CFTR: variants seen among roughly 807,000 people sequenced by gnomAD.
CFTR encodes the protein cystic fibrosis transmembrane conductance regulator.
CFTR carries 181 observed loss-of-function variants against 171.6 expected under a neutral mutation model. That is an observed-to-expected ratio of 1.05 (90% CI 0.93 to 1.19). The LOEUF (loss-of-function observed/expected upper bound fraction) is 1.19. CFTR is among the 50% of genes most tolerant of loss of function. CFTR has a pLI of 0.00. For missense variants in CFTR, 1,968 were observed against 1,734.7 expected, an observed-to-expected ratio of 1.13 and a Z score of -2.39; for synonymous variants, 583 against 608.0, an observed-to-expected ratio of 0.96 and a Z score of 0.60.
At chr7:117,619,460 G>A (rs1257165570) in intron 21 of CFTR, among the ~76,000 whole-genome samples, 1 of 152,044 alleles carries the variant, frequency 6.6e-6, no homozygotes, top group Non-Finnish European at 1.5e-5. Context: ...TTTCACAACT[G>A]TCTATCACAT....
intron 22 of CFTR, among the ~76,000 whole-genome samples, chr7:117,628,599 G>T (rs371258138): frequency 4.1e-4 from 63 of 152,192 alleles, no homozygotes; most frequent in African/African-American, 1.2e-3. Flanking sequence ...CAAAAATATA[G>T]AGAGAGATAC....
chr7:117,540,443 A>G (rs990291265), intron 8 of CFTR, 97 bp downstream of exon 8: 1 of 1,182,324 alleles, frequency 8.5e-7, no homozygotes, highest in South Asian at 1.5e-5. Flanking sequence ...AAAAGATAGA[A>G]AAAGAAATTT....
chr7:117,655,832 G>T (rs1483872211), intron 24 of CFTR, among the ~76,000 whole-genome samples: 5 of 152,114 alleles, frequency 3.3e-5, no homozygotes, highest in African/African-American at 9.7e-5. Context: ...GTCTGGTGAA[G>T]GCCTTCTTCC....
chr7:117,575,834 A>G (rs778627560), intron 11 of CFTR, among the ~76,000 whole-genome samples: 3 of 151,972 alleles, frequency 2.0e-5, no homozygotes, highest in Non-Finnish European at 2.9e-5. Flanking sequence ...GCTATTTGCA[A>G]CCTGCAGGTC....
chr7:117,606,778 G>C, intron 18 of CFTR, 25 bp downstream of exon 18: 1 of 1,172,414 alleles, frequency 8.5e-7, no homozygotes, highest in Non-Finnish European at 1.3e-6. Context: ...GTACCGTTAA[G>C]TATGTCTGTA....
intron 23 of CFTR, among the ~76,000 whole-genome samples, chr7:117,649,277 GATGTGTGT>G (rs1793046295): frequency 6.8e-6 from 1 of 146,070 alleles, no homozygotes; most frequent in Non-Finnish European, 1.5e-5. Flanking sequence ...TTATACATGG[GATGTGTGT>G]GTGTGTGTGT....
In CFTR at chr7:117,632,506, C is replaced by T. The variant is rs146309048; in HGVS notation, c.3717+4736C>T. Among the ~76,000 whole-genome samples the T allele has an allele frequency of 1.1e-4, 16 of 149,504 alleles. No individual in the cohort carries two copies. In the East Asian group the frequency reaches 2.6e-3, roughly 24 times the overall value. On this transcript the variant is annotated intron_variant, in intron 22 of 26. Transcript: ENST00000003084. ...TGAGCCCAGGAGATTAAGGCTGCAG[C>T]GAGCTGTGATGGCACCACTACAGCC... is the stretch of plus-strand genomic sequence containing the variant.
intron 11 of CFTR, among the ~76,000 whole-genome samples, chr7:117,570,130 C>T (rs544685805): frequency 6.6e-6 from 1 of 150,710 alleles, no homozygotes; most frequent in East Asian, 2.0e-4. Flanking sequence ...CAGTATAGTA[C>T]TCATCACATT....
intron 10 of CFTR, among the ~76,000 whole-genome samples, chr7:117,549,054 G>A (rs573525048): frequency 6.6e-6 from 1 of 152,194 alleles, no homozygotes; most frequent in African/African-American, 2.4e-5. Context: ...TTTATATTTT[G>A]CACCACATTC....
intron 7 of CFTR, among the ~76,000 whole-genome samples, chr7:117,537,756 A>C (rs1798981224): frequency 6.6e-6 from 1 of 152,254 alleles, no homozygotes; most frequent in Non-Finnish European, 1.5e-5. Context: ...AATCCAGGAA[A>C]GGAATTGCAT....
At chr7:117,510,549 A>T (rs1323107914) in intron 3 of CFTR, among the ~76,000 whole-genome samples, 1 of 152,198 alleles carries the variant, frequency 6.6e-6, no homozygotes, top group South Asian at 2.1e-4. Flanking sequence ...TCTCCATTGC[A>T]TGCTGCTTCT....
At position 117,592,631 on chromosome 7, in the gene CFTR, G is replaced by A. The variant is rs397508378; in HGVS notation, c.2464G>A (p.Glu822Lys). ...LSQETGLEISEEINEEDLKEC... is the reference protein window; with the variant it reads ...LSQETGLEISKEINEEDLKEC... ...TCAAGAAACTGGCTTGGAAATAAGT[G>A]AAGAAATTAACGAAGAAGACTTAAA... Residue 822 changes from glutamate to lysine, a missense_variant, in exon 14 of 27, where the codon GAA (glutamate) becomes AAA (lysine). Glu to Lys is a moderately conservative substitution (Grantham distance 56, BLOSUM62 1). Transcript: ENST00000003084. 1 of 1,539,996 alleles carries A rather than the reference G, an allele frequency of 6.5e-7. No homozygotes were observed. The highest frequency in any genetic ancestry group is 8.7e-7 in the Non-Finnish European group (1 of 1,151,186).
In CFTR at chr7:117,664,660, G is replaced by A. The variant is rs397508651; in HGVS notation, c.3964-28G>A. Reference sequence around the variant, plus strand: ...CTGCTTGAGTGTTTTTAACTCTGTGGTATCTGAACTATCTTCTCTAACTGC... The same window carrying A: ...CTGCTTGAGTGTTTTTAACTCTGTGATATCTGAACTATCTTCTCTAACTGC... On this transcript the variant is annotated intron_variant, in intron 24 of 26. Transcript: ENST00000003084. 2.3e-5 allele frequency: 37 copies of A among 1,604,346 alleles called. 1 individual carries two copies. The East Asian group carries it at 4.0e-4, about 17-fold the overall frequency.
At chr7:117,510,465 G>A (rs538251892) in intron 3 of CFTR, among the ~76,000 whole-genome samples, 1 of 152,282 alleles carries the variant, frequency 6.6e-6, no homozygotes, top group African/African-American at 2.4e-5. Context: ...TTGGATTGAA[G>A]TGAATGATAT....
chr7:117,557,456 C>T (rs1229749797), intron 10 of CFTR, among the ~76,000 whole-genome samples: 1 of 151,980 alleles, frequency 6.6e-6, no homozygotes, highest in East Asian at 1.9e-4. Flanking sequence ...TATCTTTTTT[C>T]TACTTGCTTT....
chr7:117,576,875 TC>T (rs5886865), intron 11 of CFTR, among the ~76,000 whole-genome samples: 26,992 of 152,034 alleles, frequency 0.18, 2,859 homozygotes, highest in East Asian at 0.42. Context: ...CTAAAATACT[TC>T]CACTCACTGC....
intron 24 of CFTR, among the ~76,000 whole-genome samples, chr7:117,663,454 G>A (rs1793320609): frequency 6.7e-6 from 1 of 149,820 alleles, no homozygotes; most frequent in African/African-American, 2.5e-5. Flanking sequence ...AAGGAAAGGA[G>A]TATCATCTGC....
intron 10 of CFTR, among the ~76,000 whole-genome samples, chr7:117,552,562 TTAAAA>T (rs1237599610): frequency 6.6e-6 from 1 of 152,104 alleles, no homozygotes; most frequent in Non-Finnish European, 1.5e-5. Context: ...AAAATGAAAA[TTAAAA>T]TATATAAAAA....
chr7:117,613,303 A>C (rs1417160617), intron 20 of CFTR, among the ~76,000 whole-genome samples: 3 of 152,206 alleles, frequency 2.0e-5, no homozygotes, highest in Non-Finnish European at 4.4e-5. Flanking sequence ...TAATCAAAAC[A>C]TTTAACAATC....
Sources: allele counts gnomAD v4.1 joint callset (sites outside exome capture counted in the v4.1 genomes callset), GRCh38; gene constraint gnomAD v4.1.1; transcripts MANE v1.5; gene names NCBI Gene and HGNC (gene_info 2026-07-23, HGNC 2026-07-21).